The following MCTP1 variants were observed in gnomAD, a reference collection of about 807,000 sequenced individuals.
MCTP1 encodes the protein multiple C2 and transmembrane domain containing 1, also known as multiple C2 and transmembrane domain-containing protein 1.
Under a neutral mutation model 120.6 loss-of-function variants are expected in MCTP1, and 69 were observed. That is an observed-to-expected ratio of 0.57 (90% CI 0.47 to 0.70). The LOEUF (loss-of-function observed/expected upper bound fraction) is 0.70, where lower values mean the gene tolerates loss of function less well. Among genes scored for constraint, MCTP1 ranks in the 30% least tolerant of loss-of-function variants. MCTP1 has a pLI of 0.00. For missense variants in MCTP1, 1,203 were observed against 1,248.8 expected (o/e 0.96, Z 0.55); for synonymous variants, 529 against 493.1 (o/e 1.07, Z -0.96).
Position 94,939,957 on chromosome 5 carries a change from C to G in MCTP1, c.1173+127G>C, listed in dbSNP as rs2153501818. Reference sequence around the variant, plus strand: ...GCATGAATGAGCAATACCTAGGATACTCACAGAAACAAAGAACAGGGCATA... The same window carrying G: ...GCATGAATGAGCAATACCTAGGATAGTCACAGAAACAAAGAACAGGGCATA... On this transcript the variant is annotated intron_variant, in intron 5 of 22. Transcript: ENST00000515393. 5.8e-6 allele frequency: 3 copies of G among 520,684 alleles called. No homozygotes were observed. In the South Asian group the frequency reaches 1.3e-4, roughly 23 times the overall value. 32.3% of individuals were successfully genotyped at this position (520,684 alleles called of 1,614,324 possible). A position where few individuals can be genotyped will look rare whatever the true frequency, so the allele number is the denominator to read the frequency against.
At chr5:94,719,796 C>G (rs1343511379) in intron 19 of MCTP1, among the ~76,000 whole-genome samples, 1 of 152,152 alleles carries the variant, frequency 6.6e-6, no homozygotes, top group Non-Finnish European at 1.5e-5. Flanking sequence ...ATGTAACAAA[C>G]CTGCATGTCC....
At chr5:94,722,303 G>T (rs1761098033) in intron 19 of MCTP1, among the ~76,000 whole-genome samples, 1 of 152,120 alleles carries the variant, frequency 6.6e-6, no homozygotes, top group African/African-American at 2.4e-5. Flanking sequence ...AGACATCGGG[G>T]TGAATATTCT....
At chr5:95,276,509 G>C (rs376912667) in intron 1 of MCTP1, among the ~76,000 whole-genome samples, 1 of 150,540 alleles carries the variant, frequency 6.6e-6, no homozygotes, top group African/African-American at 2.4e-5. Context: ...CCGCTGCCTC[G>C]GCCTCCCAAA....
At chr5:95,114,914 C>T (rs998119675) in intron 1 of MCTP1, among the ~76,000 whole-genome samples, 1 of 152,210 alleles carries the variant, frequency 6.6e-6, no homozygotes, top group African/African-American at 2.4e-5. Flanking sequence ...ACTCCACTCC[C>T]AGCTCCAGAT....
chr5:95,108,511 G>C (rs1757251252), intron 1 of MCTP1, among the ~76,000 whole-genome samples: 1 of 152,144 alleles, frequency 6.6e-6, no homozygotes, highest in Non-Finnish European at 1.5e-5. Context: ...AAAGCCGAGG[G>C]GATGGAAATT....
Position 94,708,568 on chromosome 5 carries a change from T to C in MCTP1, c.2872A>G (p.Ile958Val). 1 of 1,611,590 alleles carries C rather than the reference T, an allele frequency of 6.2e-7. No individual in the cohort carries two copies. The highest frequency in any genetic ancestry group is 8.5e-7 in the Non-Finnish European group (1 of 1,178,258). The change falls in exon 22 of 23, where the codon ATT becomes GTT. Residue 958 changes from isoleucine (I) to valine (V), a missense_variant. By Grantham distance (29) the Ile-to-Val change is conservative. Transcript: ENST00000515393. Reference protein sequence around the residue: ...FTKKLRSPYAIDNNELLDFLS... With the variant: ...FTKKLRSPYAVDNNELLDFLS... ...AAGTCAAGTAGTTCATTGTTATCAA[T>C]TGCATATGGACTCCGAAGCTTTTTT...
chr5:95,219,165 C>G (rs909304731), intron 1 of MCTP1, among the ~76,000 whole-genome samples: 7 of 151,888 alleles, frequency 4.6e-5, no homozygotes, highest in Admixed American at 4.6e-4. Flanking sequence ...GTGGATCATG[C>G]GGTCAGGAGA....
chr5:95,264,577 C>T (rs2152723369), intron 1 of MCTP1, among the ~76,000 whole-genome samples: 1 of 152,300 alleles, frequency 6.6e-6, no homozygotes, highest in Admixed American at 6.5e-5. Flanking sequence ...CTGCCCACAG[C>T]AATTTGATTT....
intron 19 of MCTP1, among the ~76,000 whole-genome samples, chr5:94,755,396 CT>C (rs1318308604): frequency 1.3e-5 from 2 of 152,110 alleles, no homozygotes; most frequent in Non-Finnish European, 2.9e-5. Context: ...CTTCCAACTC[CT>C]TAATTCCCAC....
In MCTP1 at chr5:94,707,137, TTTA is replaced by T. The variant is rs1754819055; in HGVS notation, c.*356_*358del. The T allele has an allele frequency of 6.1e-6, 1 of 163,494 alleles. No individual in the cohort carries two copies. The highest frequency in any genetic ancestry group is 1.7e-4 in the East Asian group (1 of 5,842). 10.1% of individuals were successfully genotyped at this position (163,494 alleles called of 1,614,324 possible). On this transcript the variant is annotated 3_prime_UTR_variant, in exon 23 of 23. Coordinates refer to ENST00000515393, the MANE Select transcript of MCTP1 (RefSeq NM_024717.7). Reference sequence around the variant, plus strand: ...AAAAAACTTTAAAATCAAATCGACATTTACAATTGATGTAGATTTAATCAGAGC... The same window carrying T: ...AAAAAACTTTAAAATCAAATCGACATCAATTGATGTAGATTTAATCAGAGC...
chr5:95,241,584 C>T (rs1461443905), intron 1 of MCTP1, among the ~76,000 whole-genome samples: 2 of 152,148 alleles, frequency 1.3e-5, no homozygotes, highest in South Asian at 4.1e-4. Context: ...ATTATTCTTA[C>T]ATTAGGCTGT....
chr5:94,846,445 GAAC>G (rs1792382465), intron 17 of MCTP1, among the ~76,000 whole-genome samples: 1 of 152,080 alleles, frequency 6.6e-6, no homozygotes, highest in Non-Finnish European at 1.5e-5. Context: ...AGTGGGAGCT[GAAC>G]AACAAGAACA....
chr5:95,014,933 C>T (rs1020914969), intron 2 of MCTP1, among the ~76,000 whole-genome samples: 14 of 152,116 alleles, frequency 9.2e-5, no homozygotes, highest in African/African-American at 3.1e-4. Context: ...ACAACCACCA[C>T]CCTAATCAGT....
At chr5:94,764,666 A>C (rs1772137833) in intron 19 of MCTP1, among the ~76,000 whole-genome samples, 1 of 152,082 alleles carries the variant, frequency 6.6e-6, no homozygotes, top group African/African-American at 2.4e-5. Flanking sequence ...AAAGGGATCA[A>C]TTCAGCAAGA....
Position 95,138,304 on chromosome 5 carries a change from C to T in MCTP1, c.721-120820G>A, listed in dbSNP as rs142231664. ...AATATATGAGCATTGAGACTAGCTG[C>T]GCCACTTTTTAGATGAGAAAACAAG... On this transcript the variant is annotated intron_variant, in intron 1 of 22. Transcript: ENST00000515393. Among the ~76,000 whole-genome samples, 565 of 149,876 alleles carry T rather than the reference C, an allele frequency of 3.8e-3. 2 individuals carry two copies. Among genetic ancestry groups the T allele is most frequent in the African/African-American group, 0.013 (545 of 40,936 alleles).
At chr5:95,090,888 C>T (rs2152341442) in intron 1 of MCTP1, among the ~76,000 whole-genome samples, 1 of 152,274 alleles carries the variant, frequency 6.6e-6, no homozygotes, top group South Asian at 2.1e-4. Context: ...GAGCCCTCTG[C>T]ACAAGACACT....
At chr5:95,265,322 G>A (rs1449207711) in intron 1 of MCTP1, among the ~76,000 whole-genome samples, 4 of 152,072 alleles carry the variant, frequency 2.6e-5, no homozygotes, top group Admixed American at 2.0e-4. Flanking sequence ...GCAGAGAATC[G>A]GGCTTCCAGG....
At chr5:95,265,487 C>T (rs1264789259) in intron 1 of MCTP1, among the ~76,000 whole-genome samples, 1 of 152,228 alleles carries the variant, frequency 6.6e-6, no homozygotes, top group Non-Finnish European at 1.5e-5. Flanking sequence ...TCTAACAAAG[C>T]TCTTTCTTCA....
intron 6 of MCTP1, among the ~76,000 whole-genome samples, chr5:94,930,242 C>T (rs1814260816): frequency 7.7e-6 from 1 of 129,900 alleles, no homozygotes; most frequent in African/African-American, 2.9e-5. Flanking sequence ...TTTAAATATA[C>T]ATTTAATATA....
Sources: allele counts gnomAD v4.1 joint callset (sites outside exome capture counted in the v4.1 genomes callset), GRCh38; gene constraint gnomAD v4.1.1; transcripts MANE v1.5; gene names NCBI Gene and HGNC (gene_info 2026-07-23, HGNC 2026-07-21).